The following TBL1X variants were observed in gnomAD, a reference collection of about 807,000 sequenced individuals.
TBL1X encodes the protein F-box-like/WD repeat-containing protein TBL1X.
Under a neutral mutation model 50.7 loss-of-function variants are expected in TBL1X, and 10 were observed. The observed-to-expected ratio is 0.20, with a 90% CI of 0.12 to 0.33. The LOEUF is 0.33. Ranked by LOEUF, TBL1X falls within the 10% of genes least tolerant of loss-of-function variation. The pLI is 1.00. For synonymous variants in TBL1X, 190 were observed against 214.7 expected (o/e 0.88, Z 1.01); for missense variants, 340 against 504.4 (o/e 0.67, Z 3.12).
intron 2 of TBL1X, chrX:9,639,803 A>G (rs1435302571): frequency 8.9e-6 from 1 of 111,851 alleles, no homozygotes; most frequent in Non-Finnish European, 1.9e-5. Context: ...AGCTAGCCCA[A>G]GCGATGGGGA....
intron 3 of TBL1X, among the ~76,000 whole-genome samples, chrX:9,646,548 G>T (rs2082805638): frequency 8.9e-6 from 1 of 111,994 alleles, no homozygotes; most frequent in Non-Finnish European, 1.9e-5. Flanking sequence ...TGGAGAAAGA[G>T]GTGCCCTTTA....
chrX:9,567,977 T>C (rs757997023), intron 2 of TBL1X, among the ~76,000 whole-genome samples: 12 of 111,910 alleles, frequency 1.1e-4, no homozygotes, highest in Non-Finnish European at 2.1e-4. Flanking sequence ...CTCTGTCTCC[T>C]CCTCTGTGCA....
At chrX:9,567,767 G>GC (rs1338479833) in intron 2 of TBL1X, among the ~76,000 whole-genome samples, 1 of 111,851 alleles carries the variant, frequency 8.9e-6, no homozygotes, top group Non-Finnish European at 1.9e-5. Context: ...GCCCCATCTT[G>GC]CCCCCATCCC....
intron 2 of TBL1X, among the ~76,000 whole-genome samples, chrX:9,626,546 T>G (rs1268972213): frequency 8.9e-6 from 1 of 112,189 alleles, no homozygotes; most frequent in Non-Finnish European, 1.9e-5. Flanking sequence ...GTCCAAGTGC[T>G]TCATCGTGGT....
chrX:9,652,801 A>G lies in TBL1X; in HGVS notation c.-42-744A>G, dbSNP rs762218457. Among the ~76,000 whole-genome samples the G allele has an allele frequency of 5.6e-5, 6 of 107,661 alleles. No individual in the cohort carries two copies. In the East Asian group the frequency reaches 1.8e-3, roughly 32 times the overall value. The allele number at this position is 107,661 out of a possible 115,157, so 93.5% of individuals were successfully genotyped here. On this transcript the variant is annotated intron_variant, in intron 3 of 17. Transcript: ENST00000645353. The stretch of plus-strand genomic sequence containing the variant: ...GGGAGGTGGAGGTTGCAGTAAGCCC[A>G]GATCATGCCACTGCTCTCCAGCCTG...
intron 3 of TBL1X, chrX:9,644,776 C>T (rs923433455): frequency 1.8e-5 from 2 of 111,519 alleles, no homozygotes; most frequent in South Asian, 7.6e-4. Context: ...CTGCTTCAGC[C>T]TCCTGAGTAG....
chrX:9,529,302 T>C (rs760005629), intron 2 of TBL1X, among the ~76,000 whole-genome samples: 51 of 110,838 alleles, frequency 4.6e-4, no homozygotes, highest in African/African-American at 1.7e-3. Context: ...AGGTCCAAGA[T>C]GTTTACTCTC....
At chrX:9,610,108 A>C (rs1388898995) in intron 2 of TBL1X, among the ~76,000 whole-genome samples, 5 of 112,118 alleles carry the variant, frequency 4.5e-5, no homozygotes, top group African/African-American at 1.3e-4. Context: ...AAGCAAGAAG[A>C]AGCTAGCAGA....
intron 2 of TBL1X, among the ~76,000 whole-genome samples, chrX:9,618,012 T>A (rs906246430): frequency 7.2e-5 from 8 of 111,418 alleles, no homozygotes; most frequent in African/African-American, 2.6e-4. Flanking sequence ...CCTCCCCCAG[T>A]TGTGGCAACT....
intron 2 of TBL1X, among the ~76,000 whole-genome samples, chrX:9,555,232 C>T (rs927144248): frequency 9.0e-6 from 1 of 110,646 alleles, no homozygotes; most frequent in Non-Finnish European, 1.9e-5. Context: ...GACAACACCA[C>T]GCCTGGCTAA....
intron 2 of TBL1X, among the ~76,000 whole-genome samples, chrX:9,572,726 A>T (rs924805684): frequency 3.5e-5 from 4 of 112,715 alleles, no homozygotes; most frequent in Non-Finnish European, 5.6e-5. Context: ...TTTGCTGCAA[A>T]GTAGGACAAC....
At position 9,688,126 on chromosome X, in the gene TBL1X, A is replaced by C. The variant is rs1374512385; in HGVS notation, c.467A>C (p.Gln156Pro). The C allele has an allele frequency of 7.5e-6, 9 of 1,207,453 alleles. No homozygotes were observed. The highest frequency in any genetic ancestry group is 1.0e-5 in the Non-Finnish European group (9 of 893,939). Reference sequence around the variant, plus strand: ...CAGGCATTCCGAGAGAAGCTCGCTCAGCAGCAAGCCAGTGCGGCGGCGGCG... The same window carrying C: ...CAGGCATTCCGAGAGAAGCTCGCTCCGCAGCAAGCCAGTGCGGCGGCGGCG... ...RQQAFREKLA[Q>P]QQASAAAAAA... Residue 156 changes from glutamine (Q) to proline (P), a missense_variant, in exon 7 of 18, where the codon CAG becomes CCG. This residue lies in a region of TBL1X where 99 missense variants were observed against 93.3 expected (regional missense o/e 1.06). Coordinates refer to ENST00000645353, the MANE Select transcript of TBL1X (RefSeq NM_005647.4).
intron 2 of TBL1X, among the ~76,000 whole-genome samples, chrX:9,563,094 T>C (rs2082332078): frequency 8.9e-6 from 1 of 112,795 alleles, no homozygotes; most frequent in Non-Finnish European, 1.9e-5. Context: ...GCATCCAGTA[T>C]ACAGAAGCAG....
chrX:9,563,154 A>G (rs1218031536), intron 2 of TBL1X, among the ~76,000 whole-genome samples: 1 of 112,804 alleles, frequency 8.9e-6, no homozygotes, highest in African/African-American at 3.2e-5. Flanking sequence ...TCGGCTTGCC[A>G]TATAAGGAAG....
chrX:9,535,646 CA>C (rs1316355218), intron 2 of TBL1X, among the ~76,000 whole-genome samples: 1 of 112,257 alleles, frequency 8.9e-6, no homozygotes, highest in Non-Finnish European at 1.9e-5. Flanking sequence ...TCCAAATGAT[CA>C]AATCTGGCTC....
At position 9,519,028 on chromosome X, in the gene TBL1X, A is replaced by G. The variant is rs1276370195; in HGVS notation, c.-131+17179A>G. Among the ~76,000 whole-genome samples, 4 of 24,563 alleles carry G rather than the reference A, an allele frequency of 1.6e-4. No individual in the cohort carries two copies. In the Admixed American group the frequency reaches 1.7e-3, roughly 10 times the overall value. 21.3% of individuals were successfully genotyped at this position (24,563 alleles called of 115,157 possible). On this transcript the variant is annotated intron_variant, in intron 2 of 17. Transcript: ENST00000645353. Reference sequence around the variant, plus strand: ...CATACATATGAAGTGTGCTGACCCAATCTCCTGCCTTTGCGTTCACTATTT... The same window carrying G: ...CATACATATGAAGTGTGCTGACCCAGTCTCCTGCCTTTGCGTTCACTATTT...
chrX:9,700,327 A>G lies in TBL1X; in HGVS notation c.1114+2898A>G, dbSNP rs2083161593. 2.7e-5 allele frequency among the ~76,000 whole-genome samples: 3 copies of G among 112,192 alleles called. No homozygotes were observed. In the Admixed American group the frequency reaches 2.8e-4, roughly 11 times the overall value. ...AAAAATATGCCCGAGGTAAACATCA[A>G]TAAGGTTCCTCTAACACTTGTGTCT... On this transcript the variant is annotated intron_variant, in intron 12 of 17. Coordinates refer to ENST00000645353, the MANE Select transcript of TBL1X (RefSeq NM_005647.4).
chrX:9,630,323 G>A (rs1417357148), intron 2 of TBL1X, among the ~76,000 whole-genome samples: 2 of 112,072 alleles, frequency 1.8e-5, no homozygotes, highest in African/African-American at 6.5e-5. Flanking sequence ...CGTGAGGAAT[G>A]GAGGAAGTTG....
chrX:9,624,760 GTTGT>G (rs1265014706), intron 2 of TBL1X, among the ~76,000 whole-genome samples: 10 of 111,856 alleles, frequency 8.9e-5, no homozygotes, highest in Non-Finnish European at 1.9e-4. Flanking sequence ...ACATGAAGAC[GTTGT>G]TAAATAAGGT....
Sources: gnomAD v4.1 joint callset for allele counts (sites outside exome capture counted in the v4.1 genomes callset) on GRCh38, gnomAD v4.1.1 for gene constraint, gnomAD v4.1.1 regional missense constraint, MANE v1.5 for transcripts, NCBI Gene and HGNC (gene_info 2026-07-23, HGNC 2026-07-21) for gene names.